The following FHIP1A variants were observed in gnomAD, a reference collection of about 807,000 sequenced individuals.
FHIP1A encodes FHF complex subunit HOOK-interacting protein 1A.
In FHIP1A, 61 loss-of-function variants were observed where a neutral mutation model predicts 88.6. The ratio of observed to expected loss-of-function variants is 0.69; its 90% CI spans 0.56 to 0.85. FHIP1A has a LOEUF of 0.85. Among genes scored for constraint, FHIP1A ranks in the 40% least tolerant of loss-of-function variants. The pLI is 0.00. For missense variants in FHIP1A, 1,154 were observed against 1,273.5 expected (o/e 0.91, Z 1.43); for synonymous variants, 478 against 496.0 (o/e 0.96, Z 0.48).
chr4:151,605,368 G>A, intron 7 of FHIP1A, among the ~76,000 whole-genome samples: 1 of 152,172 alleles, frequency 6.6e-6, no homozygotes, highest in Non-Finnish European at 1.5e-5. Flanking sequence ...GTAAGAGGTA[G>A]ATGGAAGGGA....
intron 3 of FHIP1A, among the ~76,000 whole-genome samples, chr4:151,526,448 ACCTCCCTCC>A (rs1731645839): frequency 1.2e-5 from 1 of 86,398 alleles, no homozygotes; most frequent in African/African-American, 4.9e-5. Context: ...TGACCCCCCC[ACCTCCCTCC>A]CGGATGAGGC....
chr4:151,476,021 C>T (rs1411932363), intron 2 of FHIP1A, among the ~76,000 whole-genome samples: 1 of 151,944 alleles, frequency 6.6e-6, no homozygotes, highest in Non-Finnish European at 1.5e-5. Context: ...ACCATCGCAC[C>T]TGGCTAATTT....
chr4:151,445,386 A>G (rs1336968985), intron 1 of FHIP1A, among the ~76,000 whole-genome samples: 1 of 152,086 alleles, frequency 6.6e-6, no homozygotes, highest in Non-Finnish European at 1.5e-5. Context: ...TGAAGGTTCC[A>G]TTTATGTAGT....
chr4:151,443,683 CTCTG>C (rs1268107307), intron 1 of FHIP1A, among the ~76,000 whole-genome samples: 2 of 51,972 alleles, frequency 3.8e-5, no homozygotes, highest in East Asian at 9.5e-4. Context: ...AAATGAAGCA[CTCTG>C]TGTGTGTGTG....
chr4:151,499,533 T>G (rs1390276661), intron 3 of FHIP1A, among the ~76,000 whole-genome samples: 6 of 152,210 alleles, frequency 3.9e-5, no homozygotes, highest in African/African-American at 1.4e-4. Flanking sequence ...GAAATAAGCA[T>G]AGTTACACAC....
rs1210484513 is a variant in FHIP1A at position 151,665,031 on chromosome 4, G to A, written c.*2277G>A. On this transcript the variant is annotated 3_prime_UTR_variant, in exon 14 of 14. Coordinates refer to ENST00000435205, the MANE Select transcript of FHIP1A (RefSeq NM_001109977.3). ...CTTGCGCTGCCTGGGCTAGAGTGGAGTGGTGTGATCACAGCTCATTGTAGC... is the reference window on the plus strand; with the variant it reads ...CTTGCGCTGCCTGGGCTAGAGTGGAATGGTGTGATCACAGCTCATTGTAGC... Among the ~76,000 whole-genome samples, 1 of 152,122 alleles carries A rather than the reference G, an allele frequency of 6.6e-6. No homozygotes were observed. Among genetic ancestry groups the A allele is most frequent in the East Asian group, 1.9e-4 (1 of 5,192 alleles).
At position 151,586,259 on chromosome 4, in the gene FHIP1A, A is replaced by G. The variant is rs536108236; in HGVS notation, c.733-382A>G. ...TCTGTATTTGCACTTGATGTATTGT[A>G]CTATAGGATACTGTTTATGAATTTG... On this transcript the variant is annotated intron_variant, in intron 5 of 13. Transcript: ENST00000435205. Among the ~76,000 whole-genome samples, 10 of 152,158 alleles carry G rather than the reference A, an allele frequency of 6.6e-5. No individual in the cohort carries two copies. The South Asian group carries it at 1.9e-3, about 28-fold the overall frequency.
chr4:151,472,136 G>T (rs1212563705), intron 2 of FHIP1A, among the ~76,000 whole-genome samples: 1 of 152,072 alleles, frequency 6.6e-6, no homozygotes, highest in Non-Finnish European at 1.5e-5. Flanking sequence ...CATATGTAGG[G>T]TTAAGAAATA....
At chr4:151,651,236 C>G (rs992748182) in intron 11 of FHIP1A, among the ~76,000 whole-genome samples, 1 of 152,188 alleles carries the variant, frequency 6.6e-6, no homozygotes, top group East Asian at 1.9e-4. Flanking sequence ...CACTACCAGC[C>G]ACAGGTAGAA....
chr4:151,601,989 A>T (rs1267723717), intron 7 of FHIP1A, among the ~76,000 whole-genome samples: 1 of 151,514 alleles, frequency 6.6e-6, no homozygotes, highest in Non-Finnish European at 1.5e-5. Context: ...GTGCAGGGAA[A>T]CTCCTATTTA....
chr4:151,476,481 A>G (rs1027093144), intron 2 of FHIP1A, among the ~76,000 whole-genome samples: 2 of 152,158 alleles, frequency 1.3e-5, no homozygotes, highest in East Asian at 1.9e-4. Flanking sequence ...CCTTTAAAAT[A>G]TAATAGGAAA....
At chr4:151,479,382 G>A (rs1390650072) in intron 2 of FHIP1A, among the ~76,000 whole-genome samples, 3 of 151,986 alleles carry the variant, frequency 2.0e-5, no homozygotes, top group African/African-American at 7.2e-5. Context: ...TATTATTAAC[G>A]TGCTTAATGG....
At chr4:151,439,545 A>G (rs1038483168) in intron 1 of FHIP1A, among the ~76,000 whole-genome samples, 2 of 152,030 alleles carry the variant, frequency 1.3e-5, no homozygotes, top group African/African-American at 4.8e-5. Flanking sequence ...CTTCTGCCCC[A>G]GCTGTCTTTT....
chr4:151,588,960 A>G (rs1326684875), intron 7 of FHIP1A, 34 bp downstream of exon 7: 16 of 1,355,590 alleles, frequency 1.2e-5, no homozygotes, highest in South Asian at 7.5e-5. Flanking sequence ...TTCTGTCTCT[A>G]TAATACAAGT....
At chr4:151,502,533 A>G (rs1307508698) in intron 3 of FHIP1A, among the ~76,000 whole-genome samples, 1 of 152,154 alleles carries the variant, frequency 6.6e-6, no homozygotes, top group Non-Finnish European at 1.5e-5. Context: ...GAATTAGGAA[A>G]CTTTTAGATA....
rs1039167349 is a variant in FHIP1A, at chr4:151,646,689, C to T, written c.1358C>T (p.Thr453Met). Residue 453 changes from threonine (T) to methionine (M), a missense_variant, in exon 10 of 14, where the codon ACG becomes ATG. Physicochemically the swap from Thr to Met is moderately conservative, Grantham distance 81. Coordinates refer to ENST00000435205, the MANE Select transcript of FHIP1A (RefSeq NM_001109977.3). ...PVCCSSGITL[T>M]LGNQERDYIL... ...TGCTGCTCCAGCGGGATCACTCTGA[C>T]GCTGGGGAACCAAGAGAGGGATTAT... 22 of 1,551,474 alleles carry T rather than the reference C, an allele frequency of 1.4e-5. No individual in the cohort carries two copies. The highest frequency in any genetic ancestry group is 1.2e-4 in the Admixed American group (6 of 50,986).
At chr4:151,519,562 ATG>A (rs765759196) in intron 3 of FHIP1A, among the ~76,000 whole-genome samples, 41 of 151,108 alleles carry the variant, frequency 2.7e-4, no homozygotes, top group Middle Eastern at 3.4e-3. Context: ...TTTTGTGGAT[ATG>A]TGTGTGTGTG....
At chr4:151,600,570 C>T (rs926020309) in intron 7 of FHIP1A, among the ~76,000 whole-genome samples, 14 of 152,160 alleles carry the variant, frequency 9.2e-5, no homozygotes, top group Non-Finnish European at 1.6e-4. Context: ...TGACTTAAAA[C>T]AGCCATTGGT....
chr4:151,460,093 A>G (rs1270416628), intron 2 of FHIP1A, among the ~76,000 whole-genome samples: 1 of 152,192 alleles, frequency 6.6e-6, no homozygotes, highest in Non-Finnish European at 1.5e-5. Context: ...ATTGAAAAAT[A>G]ACACTTCTTT....
Sources: allele counts gnomAD v4.1 joint callset (sites outside exome capture counted in the v4.1 genomes callset), GRCh38; gene constraint gnomAD v4.1.1; transcripts MANE v1.5; gene names NCBI Gene and HGNC (gene_info 2026-07-23, HGNC 2026-07-21).